Variants in DOCK1 observed in about 807,000 individuals in gnomAD.
DOCK1 encodes dedicator of cytokinesis 1, also known as dedicator of cytokinesis protein 1.
DOCK1 carries 138 observed loss-of-function variants against 262.7 expected under a neutral mutation model. The observed-to-expected ratio is 0.53, with a 90% CI of 0.46 to 0.61. The LOEUF (loss-of-function observed/expected upper bound fraction) is 0.61. Ranked by LOEUF, DOCK1 falls within the 20% of genes least tolerant of loss-of-function variation. The pLI is 0.00. For missense variants in DOCK1, 1,908 were observed against 2,370.7 expected, an observed-to-expected ratio of 0.80 and a Z score of 4.05; for synonymous variants, 866 against 867.4, an observed-to-expected ratio of 1.00 and a Z score of 0.03.
At chr10:127,338,654 G>A (rs1311185147) in intron 29 of DOCK1, among the ~76,000 whole-genome samples, 1 of 152,116 alleles carries the variant, frequency 6.6e-6, no homozygotes, top group Non-Finnish European at 1.5e-5. Flanking sequence ...AAGATCAGTG[G>A]AATCATAGAA....
At chr10:127,427,550 G>C (rs1323009896) in intron 47 of DOCK1, among the ~76,000 whole-genome samples, 1 of 152,156 alleles carries the variant, frequency 6.6e-6, no homozygotes, top group Non-Finnish European at 1.5e-5. Context: ...TTACAGTCAA[G>C]GAAACAGGGA....
At chr10:127,148,101 A>C (rs1156388622) in intron 27 of DOCK1, among the ~76,000 whole-genome samples, 1 of 152,046 alleles carries the variant, frequency 6.6e-6, no homozygotes, top group Non-Finnish European at 1.5e-5. Context: ...TCAAACAGTG[A>C]AAGCATGGAG....
At chr10:127,328,464 A>G (rs1285195240) in intron 29 of DOCK1, among the ~76,000 whole-genome samples, 3 of 152,314 alleles carry the variant, frequency 2.0e-5, no homozygotes, top group Middle Eastern at 3.4e-3. Flanking sequence ...AAGATTCTGC[A>G]CAGATGGACC....
At chr10:127,060,390 T>G (rs1415814040) in intron 22 of DOCK1, among the ~76,000 whole-genome samples, 1 of 152,194 alleles carries the variant, frequency 6.6e-6, no homozygotes, top group Non-Finnish European at 1.5e-5. Flanking sequence ...ACAAAACAGA[T>G]CCACTAGGTT....
intron 29 of DOCK1, among the ~76,000 whole-genome samples, chr10:127,309,102 T>C (rs1048570266): frequency 6.6e-6 from 1 of 152,186 alleles, no homozygotes; most frequent in African/African-American, 2.4e-5. Flanking sequence ...GTATCTGTTG[T>C]TTCTTGACTT....
intron 19 of DOCK1, among the ~76,000 whole-genome samples, chr10:127,039,024 A>T: frequency 6.6e-6 from 1 of 152,164 alleles, no homozygotes; most frequent in East Asian, 1.9e-4. Context: ...AGGAGAGGTG[A>T]TTGCAGAAAG....
intron 29 of DOCK1, among the ~76,000 whole-genome samples, chr10:127,336,807 G>A (rs994841535): frequency 1.8e-4 from 28 of 152,126 alleles, no homozygotes; most frequent in Non-Finnish European, 1.0e-4. Context: ...CCAAAGTGCT[G>A]GGATTACAGG....
chr10:127,041,407 G>A (rs1308323851), intron 19 of DOCK1, among the ~76,000 whole-genome samples: 1 of 152,144 alleles, frequency 6.6e-6, no homozygotes, highest in East Asian at 1.9e-4. Context: ...CTGCTTTTAT[G>A]CCTTTTTATG....
chr10:127,008,983 G>A (rs2041232201), intron 11 of DOCK1, among the ~76,000 whole-genome samples, 179 bp downstream of exon 11: 1 of 152,130 alleles, frequency 6.6e-6, no homozygotes, highest in South Asian at 2.1e-4. Context: ...TAAGAATCCT[G>A]GGTCAAAGTT....
At chr10:127,392,866 T>G (rs1425424883) in intron 38 of DOCK1, among the ~76,000 whole-genome samples, 1 of 152,190 alleles carries the variant, frequency 6.6e-6, no homozygotes, top group Non-Finnish European at 1.5e-5. Flanking sequence ...TAGCACGACA[T>G]TCACTGCAAA....
At chr10:126,966,256 C>T (rs1489598768) in intron 1 of DOCK1, among the ~76,000 whole-genome samples, 2 of 151,950 alleles carry the variant, frequency 1.3e-5, no homozygotes, top group Non-Finnish European at 1.5e-5. Context: ...TTTTGTATCC[C>T]TTCATTTGTT....
intron 29 of DOCK1, among the ~76,000 whole-genome samples, chr10:127,304,548 A>G (rs1019742808): frequency 6.6e-6 from 1 of 152,068 alleles, no homozygotes; most frequent in African/African-American, 2.4e-5. Flanking sequence ...CGTGGAAGCT[A>G]TTTTTATGAT....
chr10:126,925,555 T>A (rs1297312036), intron 1 of DOCK1, among the ~76,000 whole-genome samples: 1 of 152,146 alleles, frequency 6.6e-6, no homozygotes, highest in Non-Finnish European at 1.5e-5. Flanking sequence ...AGCTAATTTT[T>A]GTGTTTTTAA....
chr10:127,257,403 G>C lies in DOCK1; in HGVS notation c.3018G>C (p.Trp1006Cys). Residue 1006 changes from tryptophan to cysteine, a missense_variant, in exon 29 of 52, where the codon TGG becomes TGC. By Grantham distance (215) the Trp-to-Cys change is radical (BLOSUM62 -2). Transcript: ENST00000623213. ...LIGKNVYPFD[W>C]VIMNMVQNKV... is the part of the protein sequence containing the mutation. ...GAAAGAACGTTTACCCCTTCGACTG[G>C]GTGATCATGAACATGGTGCAAAATA... The C allele has an allele frequency of 6.2e-7, 1 of 1,606,710 alleles. No homozygotes were observed.
At chr10:127,339,542 G>A (rs1172262949) in intron 30 of DOCK1, among the ~76,000 whole-genome samples, 2 of 150,510 alleles carry the variant, frequency 1.3e-5, no homozygotes, top group African/African-American at 4.9e-5. Flanking sequence ...CCAGGCCAGA[G>A]ACCCTGCCCC....
intron 1 of DOCK1, among the ~76,000 whole-genome samples, chr10:126,955,608 G>C (rs2036669377): frequency 6.6e-6 from 1 of 152,122 alleles, no homozygotes; most frequent in Non-Finnish European, 1.5e-5. Flanking sequence ...GCTGTCTGGG[G>C]TTAAAGGTGG....
Position 126,954,781 on chromosome 10 carries a change from G to A in DOCK1, c.47-15921G>A, listed in dbSNP as rs961225495. On this transcript the variant is annotated intron_variant, in intron 1 of 51. Transcript: ENST00000623213. ...GTCAGAATTTCCTTTTTTAGGTGTG[G>A]GTAGTATTTCATTATATGTACATAC... Among the ~76,000 whole-genome samples, 741 of 152,148 alleles carry A rather than the reference G, an allele frequency of 4.9e-3. 6 individuals are homozygous for A. The highest frequency in any genetic ancestry group is 0.017 in the African/African-American group (698 of 41,510).
At chr10:127,013,904 G>T (rs900961569) in intron 12 of DOCK1, among the ~76,000 whole-genome samples, 6 of 152,242 alleles carry the variant, frequency 3.9e-5, no homozygotes, top group Non-Finnish European at 8.8e-5. Context: ...ACACAGATCG[G>T]CCGCCGGGAC....
intron 51 of DOCK1, among the ~76,000 whole-genome samples, chr10:127,450,875 C>G (rs952199): frequency 0.32 from 48,339 of 151,948 alleles, 8,092 homozygotes; most frequent in East Asian, 0.58. Context: ...CAACAGAGAC[C>G]GTGTGGCCTG....
Sources: gnomAD v4.1 joint callset for allele counts (sites outside exome capture counted in the v4.1 genomes callset) on GRCh38, gnomAD v4.1.1 for gene constraint, MANE v1.5 for transcripts, NCBI Gene and HGNC (gene_info 2026-07-23, HGNC 2026-07-21) for gene names.